The following ADGRL3 variants were observed in gnomAD, a reference collection of about 807,000 sequenced individuals.
ADGRL3 encodes calcium-independent alpha-latrotoxin receptor 3.
In ADGRL3, 62 loss-of-function variants were observed where a neutral mutation model predicts 153.5. That is an observed-to-expected ratio of 0.40 (90% confidence interval 0.33 to 0.50). The LOEUF is 0.50. Ranked by LOEUF, ADGRL3 falls within the 20% of genes least tolerant of loss-of-function variation. The probability of loss-of-function intolerance (pLI) is 0.47; values close to 1 mark genes in which losing one functional copy is unlikely to be tolerated. For synonymous variants in ADGRL3, 710 were observed against 672.5 expected, an observed-to-expected ratio of 1.06 and a Z score of -0.86; for missense variants, 1,641 against 1,859.4, an observed-to-expected ratio of 0.88 and a Z score of 2.16.
chr4:61,865,320 T>A (rs1167331563), intron 9 of ADGRL3, among the ~76,000 whole-genome samples: 1 of 152,178 alleles, frequency 6.6e-6, no homozygotes, highest in Non-Finnish European at 1.5e-5. Context: ...GGCTTTTACC[T>A]TTCCACCAAT....
At chr4:61,491,916 A>G (rs558538278) in intron 2 of ADGRL3, among the ~76,000 whole-genome samples, 6 of 152,310 alleles carry the variant, frequency 3.9e-5, no homozygotes, top group Admixed American at 3.9e-4. Flanking sequence ...AAGTCCAAAT[A>G]CTAACCCTGG....
At chr4:61,706,979 G>A (rs2151403793) in intron 6 of ADGRL3, among the ~76,000 whole-genome samples, 1 of 152,136 alleles carries the variant, frequency 6.6e-6, no homozygotes, top group East Asian at 1.9e-4. Flanking sequence ...TGAGATACTT[G>A]TACTCTTCCT....
intron 2 of ADGRL3, among the ~76,000 whole-genome samples, chr4:61,456,664 A>C (rs2097759995): frequency 6.6e-6 from 1 of 151,408 alleles, no homozygotes; most frequent in South Asian, 2.1e-4. Flanking sequence ...CTCGGATAAA[A>C]CCATGGGCGA....
In ADGRL3 at chr4:61,269,788, G is replaced by T. The variant is rs558509688; in HGVS notation, c.-240+68023G>T. Among the ~76,000 whole-genome samples, 8 of 151,780 alleles carry T rather than the reference G, an allele frequency of 5.3e-5. No homozygotes were observed. In the South Asian group the frequency reaches 1.7e-3, roughly 32 times the overall value. Reference sequence around the variant, plus strand: ...TTAACCAGACTATCACATTTAATCTGCTAGATGATTTATTAACTTGCCATT... The same window carrying T: ...TTAACCAGACTATCACATTTAATCTTCTAGATGATTTATTAACTTGCCATT... On this transcript the variant is annotated intron_variant, in intron 1 of 26. Coordinates refer to ENST00000683033, the MANE Select transcript of ADGRL3 (RefSeq NM_001387552.1).
intron 2 of ADGRL3, among the ~76,000 whole-genome samples, chr4:61,470,753 A>C (rs2097940419): frequency 1.3e-5 from 2 of 151,926 alleles, no homozygotes; most frequent in South Asian, 2.1e-4. Context: ...AATGACATTT[A>C]AAATGAAGTT....
intron 2 of ADGRL3, among the ~76,000 whole-genome samples, chr4:61,425,666 A>C (rs1018422774): frequency 1.3e-5 from 2 of 152,150 alleles, no homozygotes; most frequent in African/African-American, 2.4e-5. Flanking sequence ...ATCTGTGCTA[A>C]AGTTACTGGG....
intron 4 of ADGRL3, among the ~76,000 whole-genome samples, chr4:61,542,484 A>G (rs564684407): frequency 5.3e-5 from 8 of 152,198 alleles, no homozygotes; most frequent in Non-Finnish European, 1.2e-4. Flanking sequence ...TCTACATATC[A>G]ACCTGATAAA....
At chr4:61,576,359 A>G (rs1028761819) in intron 4 of ADGRL3, among the ~76,000 whole-genome samples, 1 of 151,636 alleles carries the variant, frequency 6.6e-6, no homozygotes, top group Non-Finnish European at 1.5e-5. Flanking sequence ...TGATGGTTTC[A>G]TTTTGGCTAG....
chr4:61,334,713 GA>G (rs2095642512), intron 1 of ADGRL3, among the ~76,000 whole-genome samples: 2 of 151,914 alleles, frequency 1.3e-5, no homozygotes, highest in South Asian at 2.1e-4. Context: ...CACGAAACCT[GA>G]AAAAAATTAT....
intron 4 of ADGRL3, among the ~76,000 whole-genome samples, chr4:61,539,613 C>T (rs1408392330): frequency 2.0e-5 from 3 of 152,136 alleles, no homozygotes; most frequent in South Asian, 2.1e-4. Context: ...ACGCAAACAG[C>T]GTGGTGTGCA....
intron 2 of ADGRL3, among the ~76,000 whole-genome samples, chr4:61,389,353 C>T (rs937012567): frequency 3.9e-5 from 6 of 152,126 alleles, no homozygotes; most frequent in Admixed American, 6.6e-5. Flanking sequence ...AAAGTGGCAA[C>T]CCTGTTTGTG....
At chr4:61,890,195 A>G (rs965631750) in intron 9 of ADGRL3, among the ~76,000 whole-genome samples, 2 of 152,224 alleles carry the variant, frequency 1.3e-5, no homozygotes, top group African/African-American at 4.8e-5. Flanking sequence ...CTTATTATCA[A>G]TGAAAAGATT....
At chr4:61,613,588 A>G (rs938079655) in intron 5 of ADGRL3, among the ~76,000 whole-genome samples, 2 of 152,126 alleles carry the variant, frequency 1.3e-5, no homozygotes, top group Admixed American at 6.5e-5. Context: ...TACTAAAAAT[A>G]CAAAATTTAG....
At chr4:61,445,018 C>T (rs1485115333) in intron 2 of ADGRL3, among the ~76,000 whole-genome samples, 1 of 151,010 alleles carries the variant, frequency 6.6e-6, no homozygotes, top group Non-Finnish European at 1.5e-5. Flanking sequence ...TGTCACTGCA[C>T]TCCAGGCTGG....
chr4:61,416,982 T>G (rs1483523590), intron 2 of ADGRL3, among the ~76,000 whole-genome samples: 2 of 152,100 alleles, frequency 1.3e-5, no homozygotes, highest in African/African-American at 4.8e-5. Flanking sequence ...AGGCATTAGA[T>G]TCTCATAAGA....
At chr4:61,445,147 T>G (rs1181841583) in intron 2 of ADGRL3, among the ~76,000 whole-genome samples, 1 of 152,200 alleles carries the variant, frequency 6.6e-6, no homozygotes, top group Non-Finnish European at 1.5e-5. Context: ...ATACATTATC[T>G]TATGTAATCT....
chr4:61,603,126 C>A (rs886778630), intron 5 of ADGRL3, among the ~76,000 whole-genome samples: 1 of 152,072 alleles, frequency 6.6e-6, no homozygotes, highest in African/African-American at 2.4e-5. Flanking sequence ...TTCATTCTGT[C>A]AATATTGTTG....
At chr4:61,340,908 C>T (rs1407701164) in intron 1 of ADGRL3, among the ~76,000 whole-genome samples, 2 of 151,556 alleles carry the variant, frequency 1.3e-5, no homozygotes, top group Non-Finnish European at 2.9e-5. Context: ...ATTCATCATT[C>T]AAAAACTATT....
chr4:61,322,300 T>C (rs1225804936), intron 1 of ADGRL3, among the ~76,000 whole-genome samples: 1 of 152,136 alleles, frequency 6.6e-6, no homozygotes. Context: ...CAAGATGAGA[T>C]TTGTGTGGGG....
Sources: allele counts gnomAD v4.1 joint callset (sites outside exome capture counted in the v4.1 genomes callset), GRCh38; gene constraint gnomAD v4.1.1; transcripts MANE v1.5; gene names NCBI Gene and HGNC (gene_info 2026-07-23, HGNC 2026-07-21).